Variants in TSPEAR observed in about 807,000 individuals in gnomAD.
The protein encoded by TSPEAR is thrombospondin-type laminin G domain and EAR repeat-containing protein.
In TSPEAR, 69 loss-of-function variants were observed where a neutral mutation model predicts 71.6. That is an observed-to-expected ratio of 0.96 (90% confidence interval 0.79 to 1.18). The LOEUF (loss-of-function observed/expected upper bound fraction) is 1.18. TSPEAR is among the 50% of genes most tolerant of loss of function. The pLI is 0.00. For synonymous variants in TSPEAR, 402 were observed against 387.2 expected (o/e 1.04, Z -0.45); for missense variants, 971 against 894.9 (o/e 1.09, Z -1.09).
chr21:44,654,138 G>A (rs765670141), intron 1 of TSPEAR: 24 of 677,742 alleles, frequency 3.5e-5, no homozygotes, highest in Non-Finnish European at 5.2e-5. Context: ...ATCTAGTGAC[G>A]GTGCCGCAAA....
Position 44,525,792 on chromosome 21 carries a change from C to G in TSPEAR, c.1197G>C (p.Glu399Asp). 1 of 1,614,194 alleles carries G rather than the reference C, an allele frequency of 6.2e-7. No individual in the cohort carries two copies. The change falls in exon 8 of 12, where the codon GAG becomes GAC. Residue 399 changes from glutamate (E) to aspartate (D), a missense_variant. Physicochemically the swap from Glu to Asp is conservative, Grantham distance 45. Coordinates refer to ENST00000323084, the MANE Select transcript of TSPEAR (RefSeq NM_144991.3). ...ANFEPDEKGQ[E>D]FSVIYKWSHR... Reference sequence around the variant, plus strand: ...GGCTCCATTTGTAAATGACAGAGAACTCCTGACCCTTCTCATCTGGTTCAA... The same window carrying G: ...GGCTCCATTTGTAAATGACAGAGAAGTCCTGACCCTTCTCATCTGGTTCAA...
intron 2 of TSPEAR, among the ~76,000 whole-genome samples, chr21:44,536,823 G>A (rs2053097900): frequency 1.3e-5 from 2 of 152,114 alleles, no homozygotes; most frequent in Non-Finnish European, 2.9e-5. Flanking sequence ...GAACTAATAA[G>A]AGAACTTGCA....
chr21:44,615,506 C>T (rs1555932234), intron 1 of TSPEAR, among the ~76,000 whole-genome samples: 1 of 151,790 alleles, frequency 6.6e-6, no homozygotes, highest in African/African-American at 2.4e-5. Context: ...GCGGGGATCT[C>T]ACCACCCAGC....
intron 1 of TSPEAR, among the ~76,000 whole-genome samples, chr21:44,685,931 GCA>G (rs1474637383): frequency 6.6e-6 from 1 of 152,122 alleles, no homozygotes; most frequent in African/African-American, 2.4e-5. Context: ...TCACAACCTG[GCA>G]CAGTGTTAGA....
intron 2 of TSPEAR, among the ~76,000 whole-genome samples, chr21:44,541,057 G>C (rs1031272951): frequency 6.6e-6 from 1 of 151,386 alleles, no homozygotes; most frequent in Non-Finnish European, 1.5e-5. Context: ...GCAGGCGTGA[G>C]CCCGGTGCCT....
chr21:44,682,775 C>CCCA (rs533366904), intron 1 of TSPEAR, among the ~76,000 whole-genome samples: 57 of 152,328 alleles, frequency 3.7e-4, no homozygotes, highest in African/African-American at 1.3e-3. Flanking sequence ...AATGCAGTGT[C>CCCA]ACCAGCCGGA....
chr21:44,604,352 G>A (rs774668175), intron 1 of TSPEAR, among the ~76,000 whole-genome samples: 3 of 151,880 alleles, frequency 2.0e-5, no homozygotes, highest in Non-Finnish European at 4.4e-5. Flanking sequence ...AAAAAGAAAC[G>A]AATAAAAGAG....
intron 1 of TSPEAR, chr21:44,646,393 C>G (rs1984360892): frequency 6.4e-7 from 1 of 1,551,892 alleles, no homozygotes; most frequent in East Asian, 2.3e-5. Flanking sequence ...ACCTCACTCA[C>G]TCACTCACAC....
intron 10 of TSPEAR, among the ~76,000 whole-genome samples, chr21:44,505,890 T>C (rs2052187159): frequency 6.6e-6 from 1 of 152,122 alleles, no homozygotes; most frequent in South Asian, 2.1e-4. Context: ...AGTCCACTTT[T>C]AAGAGGTTGA....
In TSPEAR at chr21:44,599,171, T is replaced by TCTCTCTCTCTCTCTCTCTCTCTCTCTCC. The variant is rs1569210763; in HGVS notation, c.83-31167_83-31166insGGAGAGAGAGAGAGAGAGAGAGAGAGAG. Among the ~76,000 whole-genome samples the TCTCTCTCTCTCTCTCTCTCTCTCTCTCC allele has an allele frequency of 5.6e-5, 7 of 125,144 alleles. 1 individual carries two copies. The East Asian group carries it at 1.9e-3, about 33-fold the overall frequency. 82.1% of individuals were successfully genotyped at this position (125,144 alleles called of 152,430 possible). A position where few individuals can be genotyped will look rare whatever the true frequency, so the allele number is the denominator to read the frequency against. On this transcript the variant is annotated intron_variant, in intron 1 of 11. Coordinates refer to ENST00000323084, the MANE Select transcript of TSPEAR (RefSeq NM_144991.3). The stretch of plus-strand genomic sequence containing the variant: ...CTCTCTCTCTCTCTCTCTCTCTCTC[T>TCTCTCTCTCTCTCTCTCTCTCTCTCTCC]CCTTCCATCCCATAGGACCAGATCC...
chr21:44,637,707 C>CCG, intron 1 of TSPEAR: 1 of 345,030 alleles, frequency 2.9e-6, no homozygotes, highest in Non-Finnish European at 4.2e-6. Flanking sequence ...TGCTGTGTGC[C>CCG]TGTCTGCTGT....
At chr21:44,575,597 T>C (rs1555923871) in intron 1 of TSPEAR, among the ~76,000 whole-genome samples, 2 of 152,234 alleles carry the variant, frequency 1.3e-5, no homozygotes, top group African/African-American at 2.4e-5. Context: ...TTGTTAGTCG[T>C]GTCATAGTTC....
intron 1 of TSPEAR, among the ~76,000 whole-genome samples, chr21:44,663,422 T>G (rs1207405042): frequency 1.3e-5 from 2 of 152,102 alleles, no homozygotes; most frequent in East Asian, 3.8e-4. Context: ...GTAGGTAGCC[T>G]GAATAGTATC....
At chr21:44,621,470 T>C (rs1982430229) in intron 1 of TSPEAR, among the ~76,000 whole-genome samples, 1 of 152,366 alleles carries the variant, frequency 6.6e-6, no homozygotes, top group South Asian at 2.1e-4. Context: ...CTCCAGCTTC[T>C]GTATGACAGT....
intron 9 of TSPEAR, chr21:44,509,720 G>T: frequency 3.1e-6 from 1 of 317,516 alleles, no homozygotes. Flanking sequence ...CAGCCTCCTT[G>T]GCCACTTCTC....
chr21:44,513,659 C>T (rs782728077), intron 9 of TSPEAR, among the ~76,000 whole-genome samples: 37 of 152,194 alleles, frequency 2.4e-4, no homozygotes, highest in Admixed American at 4.6e-4. Context: ...CCCTCGAGGG[C>T]GGGTGGGCAC....
intron 1 of TSPEAR, among the ~76,000 whole-genome samples, chr21:44,698,446 A>T (rs1452602188): frequency 1.3e-5 from 2 of 152,168 alleles, no homozygotes; most frequent in Non-Finnish European, 2.9e-5. Flanking sequence ...GGAATGTACC[A>T]GTCCCAGGGA....
At chr21:44,533,285 G>T (rs1380525488) in intron 3 of TSPEAR, among the ~76,000 whole-genome samples, 1 of 152,216 alleles carries the variant, frequency 6.6e-6, no homozygotes, top group African/African-American at 2.4e-5. Flanking sequence ...TCTGCCCACA[G>T]ATGGTGAGCC....
chr21:44,610,691 T>C (rs1981606245), intron 1 of TSPEAR, among the ~76,000 whole-genome samples: 2 of 152,108 alleles, frequency 1.3e-5, no homozygotes. Context: ...CCCAGAATGG[T>C]AGATCTATTG....
Sources: allele counts gnomAD v4.1 joint callset (sites outside exome capture counted in the v4.1 genomes callset), GRCh38; gene constraint gnomAD v4.1.1; transcripts MANE v1.5; gene names NCBI Gene and HGNC (gene_info 2026-07-23, HGNC 2026-07-21).